Variants in NXPE2 observed in about 807,000 individuals in gnomAD.
The protein encoded by NXPE2 is NXPE family member 2.
NXPE2 carries 34 observed loss-of-function variants against 34.4 expected under a neutral mutation model. The ratio of observed to expected loss-of-function variants is 0.99; its 90% CI spans 0.75 to 1.31. The LOEUF is 1.31. Among genes scored for constraint, NXPE2 ranks in the 40% most tolerant of loss-of-function variants. NXPE2 has a pLI of 0.00. For synonymous variants in NXPE2, 235 were observed against 231.3 expected, an observed-to-expected ratio of 1.02 and a Z score of -0.15; for missense variants, 649 against 672.5, an observed-to-expected ratio of 0.97 and a Z score of 0.39.
chr11:114,478,682 A>T, the NXPE2 span, among the ~76,000 whole-genome samples: 1 of 152,024 alleles, frequency 6.6e-6, no homozygotes, highest in Admixed American at 6.6e-5. Context: ...TAATTAACTT[A>T]CTCCAATTAT....
the NXPE2 span, among the ~76,000 whole-genome samples, chr11:114,779,407 G>C: frequency 1.8e-4 from 27 of 152,172 alleles, no homozygotes; most frequent in African/African-American, 6.5e-4. Flanking sequence ...GGAAGGGGTT[G>C]ACTGGGGTGG....
the NXPE2 span, chr11:114,582,834 G>A: frequency 7.7e-5 from 124 of 1,614,202 alleles, no homozygotes; most frequent in Admixed American, 3.7e-4. Context: ...TGTGGCGCTG[G>A]TGGTGGTGTT....
the NXPE2 span, among the ~76,000 whole-genome samples, chr11:114,755,198 A>G: frequency 6.6e-6 from 1 of 152,176 alleles, no homozygotes; most frequent in Non-Finnish European, 1.5e-5. Context: ...AATAGAATTA[A>G]CAGCATGTTA....
At chr11:114,504,846 C>T in the NXPE2 span, among the ~76,000 whole-genome samples, 1 of 152,192 alleles carries the variant, frequency 6.6e-6, no homozygotes, top group Non-Finnish European at 1.5e-5. Flanking sequence ...AGGATAGCAT[C>T]ATCTCTCTAG....
intron 2 of NXPE2, among the ~76,000 whole-genome samples, chr11:114,696,340 CAAAA>C (rs773266644): frequency 1.5e-5 from 1 of 64,606 alleles, no homozygotes; most frequent in Non-Finnish European, 2.8e-5. Context: ...TCAAAAAAAC[CAAAA>C]AAAAAAAAAA....
chr11:114,777,072 G>T, the NXPE2 span, among the ~76,000 whole-genome samples: 1 of 152,146 alleles, frequency 6.6e-6, no homozygotes, highest in South Asian at 2.1e-4. Flanking sequence ...TCAAATGTTG[G>T]ACACCAACAC....
At chr11:114,794,695 C>T in the NXPE2 span, among the ~76,000 whole-genome samples, 11 of 152,138 alleles carry the variant, frequency 7.2e-5, no homozygotes, top group Admixed American at 2.0e-4. Flanking sequence ...GGAATTTGAC[C>T]TCCAAATGTT....
chr11:114,763,930 G>C, the NXPE2 span, among the ~76,000 whole-genome samples: 1 of 152,022 alleles, frequency 6.6e-6, no homozygotes, highest in Non-Finnish European at 1.5e-5. Context: ...CATCTGAAAA[G>C]TGTCATTTTT....
At chr11:114,676,123 A>C (rs1298668342), upstream of NXPE2, among the ~76,000 whole-genome samples, 2 of 152,032 alleles carry the variant, frequency 1.3e-5, no homozygotes, top group African/African-American at 4.8e-5. Context: ...AAAGACTTAA[A>C]CATAGGACCT....
chr11:114,646,874 C>A, the NXPE2 span, among the ~76,000 whole-genome samples: 1 of 152,070 alleles, frequency 6.6e-6, no homozygotes, highest in Non-Finnish European at 1.5e-5. Flanking sequence ...AAAAACAGAG[C>A]AAAGGAACTT....
the NXPE2 span, among the ~76,000 whole-genome samples, chr11:114,773,997 C>T: frequency 2.2e-4 from 34 of 152,336 alleles, 1 homozygote; most frequent in South Asian, 6.8e-3. Flanking sequence ...CCTCACCCAT[C>T]TCTCTCTCTA....
chr11:114,569,844 C>A, the NXPE2 span, among the ~76,000 whole-genome samples: 1 of 152,094 alleles, frequency 6.6e-6, no homozygotes, highest in Non-Finnish European at 1.5e-5. Flanking sequence ...ACCCCTCACC[C>A]CCACACTCAA....
At chr11:114,608,551 G>A in the NXPE2 span, among the ~76,000 whole-genome samples, 116 of 150,642 alleles carry the variant, frequency 7.7e-4, 1 homozygote, top group Non-Finnish European at 1.4e-3. Flanking sequence ...GATAATAATT[G>A]TTGCATCGTG....
the NXPE2 span, chr11:114,522,417 T>C: frequency 3.5e-5 from 56 of 1,613,960 alleles, no homozygotes; most frequent in Non-Finnish European, 3.4e-5. Context: ...CTATGTTTTT[T>C]CCATTGAATC....
Position 114,698,312 on chromosome 11 carries a change from G to A in NXPE2, c.400G>A (p.Glu134Lys). The A allele has an allele frequency of 6.2e-7, 1 of 1,614,042 alleles. No homozygotes were observed. ...GGGGGATCAGCTGGACATCCTTCTGGAGGTGAGGGACCACTTGGGACACAG... is the reference window on the plus strand; with the variant it reads ...GGGGGATCAGCTGGACATCCTTCTGAAGGTGAGGGACCACTTGGGACACAG... ...CRGDQLDILL[E>K]VRDHLGHRKQ... is the part of the protein sequence containing the mutation. The change falls in exon 3 of 6, where the codon GAG becomes AAG. Residue 134 changes from glutamate (E) to lysine (K), a missense_variant. Physicochemically the swap from Glu to Lys is moderately conservative, Grantham distance 56. Transcript: ENST00000389586.
At chr11:114,580,105 A>G in the NXPE2 span, 1 of 1,572,084 alleles carries the variant, frequency 6.4e-7, no homozygotes, top group East Asian at 2.2e-5. Flanking sequence ...GAAAGGGGTA[A>G]GAATTATAGC....
At chr11:114,505,947 G>T in the NXPE2 span, among the ~76,000 whole-genome samples, 1 of 151,990 alleles carries the variant, frequency 6.6e-6, no homozygotes, top group Non-Finnish European at 1.5e-5. Context: ...AAAGAACAAA[G>T]ATTTATTGGT....
the NXPE2 span, among the ~76,000 whole-genome samples, chr11:114,635,841 T>C: frequency 6.6e-6 from 1 of 152,112 alleles, no homozygotes; most frequent in Non-Finnish European, 1.5e-5. Context: ...GATAAGCTTT[T>C]TGATGTGTTG....
At chr11:114,777,975 C>G in the NXPE2 span, among the ~76,000 whole-genome samples, 1 of 152,134 alleles carries the variant, frequency 6.6e-6, no homozygotes, top group Non-Finnish European at 1.5e-5. Context: ...GGCTTACAGT[C>G]CAGGGGCAAA....
Sources: gnomAD v4.1 joint callset for allele counts (sites outside exome capture counted in the v4.1 genomes callset) on GRCh38, gnomAD v4.1.1 for gene constraint, MANE v1.5 for transcripts, NCBI Gene and HGNC (gene_info 2026-07-23, HGNC 2026-07-21) for gene names.